Variants in GALNT13 observed in about 807,000 individuals in gnomAD.
GALNT13 encodes polypeptide N-acetylgalactosaminyltransferase 13, also known as UDP-GalNAc:polypeptide N-acetylgalactosaminyltransferase 13.
A neutral mutation model predicts 64.2 loss-of-function variants in GALNT13; 28 were observed. That is an observed-to-expected ratio of 0.44 (90% CI 0.32 to 0.60). The LOEUF (loss-of-function observed/expected upper bound fraction) is 0.60. Among genes scored for constraint, GALNT13 ranks in the 20% least tolerant of loss-of-function variants. GALNT13 has a pLI of 0.05. For synonymous variants in GALNT13, 214 were observed against 224.6 expected, an observed-to-expected ratio of 0.95 and a Z score of 0.42; for missense variants, 577 against 669.8, an observed-to-expected ratio of 0.86 and a Z score of 1.53.
At chr2:153,844,175 G>C in the GALNT13 span, among the ~76,000 whole-genome samples, 2 of 152,088 alleles carry the variant, frequency 1.3e-5, no homozygotes, top group African/African-American at 4.8e-5. Context: ...GTGTCTCTGT[G>C]GGGGCTTCTC....
chr2:153,666,955 A>T, the GALNT13 span, among the ~76,000 whole-genome samples: 1 of 152,228 alleles, frequency 6.6e-6, no homozygotes, highest in Non-Finnish European at 1.5e-5. Context: ...CAAAATAGCC[A>T]TTTTAAGAAA....
At chr2:153,404,513 G>T in the GALNT13 span, among the ~76,000 whole-genome samples, 1 of 141,244 alleles carries the variant, frequency 7.1e-6, no homozygotes, top group Admixed American at 6.8e-5. Context: ...TTTTTCAAAA[G>T]ATTTTTTTTT....
chr2:153,172,516 A>G, the GALNT13 span, among the ~76,000 whole-genome samples: 1 of 152,046 alleles, frequency 6.6e-6, no homozygotes, highest in Non-Finnish European at 1.5e-5. Flanking sequence ...AGGTGGGTCC[A>G]GGCCAGTAGA....
the GALNT13 span, chr2:153,172,209 C>T: frequency 6.6e-6 from 1 of 152,266 alleles, no homozygotes; most frequent in East Asian, 1.9e-4. Flanking sequence ...GTAAAGAGTC[C>T]TATATCTACC....
chr2:154,236,196 T>G (rs1462504263), intron 4 of GALNT13: 28 of 1,043,066 alleles, frequency 2.7e-5, no homozygotes, highest in Non-Finnish European at 3.2e-5. Context: ...CTTCCTACTT[T>G]TATAAGATAT....
intron 9 of GALNT13, among the ~76,000 whole-genome samples, chr2:154,394,077 CAAAAAA>C (rs369267777): frequency 1.1e-3 from 34 of 32,008 alleles, no homozygotes; most frequent in African/African-American, 1.3e-3. Flanking sequence ...GACTCCGTCT[CAAAAAA>C]AAAAAAAAAA....
chr2:154,286,075 G>GT (rs1315646063), intron 8 of GALNT13, among the ~76,000 whole-genome samples: 1 of 152,190 alleles, frequency 6.6e-6, no homozygotes, highest in Non-Finnish European at 1.5e-5. Flanking sequence ...AGTTCTAACA[G>GT]TTTTTTTGGT....
the GALNT13 span, among the ~76,000 whole-genome samples, chr2:153,290,512 TA>T: frequency 6.6e-6 from 1 of 152,232 alleles, no homozygotes; most frequent in Non-Finnish European, 1.5e-5. Flanking sequence ...CACTTCATTA[TA>T]GATCATCACT....
At chr2:153,248,845 A>G in the GALNT13 span, among the ~76,000 whole-genome samples, 1 of 151,150 alleles carries the variant, frequency 6.6e-6, no homozygotes, top group African/African-American at 2.4e-5. Flanking sequence ...AAAGAAAAAA[A>G]AAACCCTCAA....
the GALNT13 span, among the ~76,000 whole-genome samples, chr2:153,265,517 T>C: frequency 6.6e-6 from 1 of 152,220 alleles, no homozygotes; most frequent in Admixed American, 6.5e-5. Flanking sequence ...GCATAGATTC[T>C]CTCTTTGTGC....
At chr2:154,060,043 C>G (rs1392989913) in intron 3 of GALNT13, among the ~76,000 whole-genome samples, 1 of 152,030 alleles carries the variant, frequency 6.6e-6, no homozygotes, top group East Asian at 1.9e-4. Flanking sequence ...AAGGTAGGGC[C>G]CCTGTAGTGG....
At chr2:153,402,172 G>C in the GALNT13 span, among the ~76,000 whole-genome samples, 4 of 146,962 alleles carry the variant, frequency 2.7e-5, no homozygotes, top group East Asian at 2.0e-4. Flanking sequence ...TATTTTATTT[G>C]TCCTTCACTT....
At chr2:153,100,539 T>G in the GALNT13 span, among the ~76,000 whole-genome samples, 3 of 152,224 alleles carry the variant, frequency 2.0e-5, no homozygotes, top group Admixed American at 1.3e-4. Flanking sequence ...AAATGTGACC[T>G]GTGGGGCTTA....
At chr2:153,136,701 T>C in the GALNT13 span, among the ~76,000 whole-genome samples, 10 of 152,252 alleles carry the variant, frequency 6.6e-5, no homozygotes, top group African/African-American at 2.2e-4. Flanking sequence ...TTTTTTGTCC[T>C]CTTTTGCATG....
At chr2:153,278,378 G>T in the GALNT13 span, among the ~76,000 whole-genome samples, 33 of 151,922 alleles carry the variant, frequency 2.2e-4, no homozygotes, top group African/African-American at 7.7e-4. Flanking sequence ...GTCCATTTTT[G>T]GTTTTGTTGC....
intron 3 of GALNT13, among the ~76,000 whole-genome samples, chr2:154,080,459 G>A (rs1341987579): frequency 2.0e-5 from 3 of 151,724 alleles, no homozygotes; most frequent in African/African-American, 7.2e-5. Context: ...ACGAGGGCAG[G>A]AAATTGCTCT....
the GALNT13 span, among the ~76,000 whole-genome samples, chr2:153,471,107 G>C: frequency 6.6e-6 from 1 of 152,130 alleles, no homozygotes; most frequent in Non-Finnish European, 1.5e-5. Context: ...GCTAATTATA[G>C]AGAAGGGTGG....
chr2:154,148,447 G>A (rs1281927022), intron 4 of GALNT13, among the ~76,000 whole-genome samples: 2 of 152,142 alleles, frequency 1.3e-5, no homozygotes, highest in East Asian at 3.9e-4. Flanking sequence ...AACCAGTAAT[G>A]GGATGGCTGA....
At chr2:153,812,209 C>G in the GALNT13 span, among the ~76,000 whole-genome samples, 6 of 152,190 alleles carry the variant, frequency 3.9e-5, no homozygotes, top group Non-Finnish European at 7.3e-5. Flanking sequence ...TGGCTGACCT[C>G]TCTTTTATTA....
Sources: gnomAD v4.1 joint callset for allele counts (sites outside exome capture counted in the v4.1 genomes callset) on GRCh38, gnomAD v4.1.1 for gene constraint, MANE v1.5 for transcripts, NCBI Gene and HGNC (gene_info 2026-07-23, HGNC 2026-07-21) for gene names.